FKBP6: variants seen among roughly 807,000 people sequenced by gnomAD.
FKBP6 encodes FKBP prolyl isomerase family member 6 (inactive), also known as inactive peptidyl-prolyl cis-trans isomerase FKBP6.
In FKBP6, 29 loss-of-function variants were observed where a neutral mutation model predicts 41.7. The observed-to-expected ratio is 0.70, with a 90% CI of 0.52 to 0.95. The LOEUF is 0.95. FKBP6 is among the 40% of genes least tolerant of loss of function. The pLI is 0.00. For missense variants in FKBP6, 338 were observed against 408.7 expected (o/e 0.83, Z 1.49); for synonymous variants, 130 against 165.1 (o/e 0.79, Z 1.63).
At chr7:73,354,118 G>A (rs1805564622) in intron 8 of FKBP6, among the ~76,000 whole-genome samples, 1 of 152,144 alleles carries the variant, frequency 6.6e-6, no homozygotes, top group Non-Finnish European at 1.5e-5. Context: ...GTGCAGCAGA[G>A]CCATGCTGTG....
intron 6 of FKBP6, among the ~76,000 whole-genome samples, 178 bp from the exon 7 acceptor site, chr7:73,341,095 T>G (rs1805167683): frequency 6.6e-6 from 1 of 152,086 alleles, no homozygotes; most frequent in Non-Finnish European, 1.5e-5. Context: ...AGCTAATTTT[T>G]GTAGTTTTAG....
chr7:73,355,427 G>A (rs949104712), intron 8 of FKBP6, among the ~76,000 whole-genome samples: 4 of 152,082 alleles, frequency 2.6e-5, no homozygotes, highest in South Asian at 4.1e-4. Context: ...TATTGGCTCC[G>A]ATTTGAAAAT....
intron 5 of FKBP6, among the ~76,000 whole-genome samples, chr7:73,335,252 A>G (rs1406086106): frequency 6.6e-6 from 1 of 152,152 alleles, no homozygotes; most frequent in Non-Finnish European, 1.5e-5. Flanking sequence ...TTTGACCACT[A>G]AGATTTAAAA....
intron 2 of FKBP6, 83 bp downstream of exon 2, chr7:73,328,775 T>A: frequency 1.9e-6 from 3 of 1,608,090 alleles, no homozygotes; most frequent in Non-Finnish European, 2.5e-6. Context: ...CAAAAAGCAC[T>A]TAATGGGGTT....
At chr7:73,339,658 G>A (rs1805113385) in intron 5 of FKBP6, among the ~76,000 whole-genome samples, 1 of 144,910 alleles carries the variant, frequency 6.9e-6, no homozygotes, top group Admixed American at 7.1e-5. Context: ...CTGTCACCTA[G>A]GCTGGAGTGC....
At chr7:73,329,229 C>T (rs1327124852) in intron 2 of FKBP6, 131 bp from the exon 3 acceptor site, 9 of 775,648 alleles carry the variant, frequency 1.2e-5, no homozygotes, top group Non-Finnish European at 2.1e-5. Flanking sequence ...AGATTTATTC[C>T]TGTACCTCGG....
At chr7:73,352,184 G>A (rs782538836) in intron 8 of FKBP6, among the ~76,000 whole-genome samples, 7 of 152,002 alleles carry the variant, frequency 4.6e-5, no homozygotes, top group Admixed American at 1.3e-4. Context: ...GGCTGATCTC[G>A]ATCTCCTGGC....
At chr7:73,357,087 C>G (rs1373760898) in intron 8 of FKBP6, among the ~76,000 whole-genome samples, 2 of 151,968 alleles carry the variant, frequency 1.3e-5, no homozygotes, top group Admixed American at 6.6e-5. Flanking sequence ...TGGCCCTCCT[C>G]TCATGTCTTA....
chr7:73,330,886 G>A (rs1003349023), intron 4 of FKBP6, among the ~76,000 whole-genome samples: 12 of 152,122 alleles, frequency 7.9e-5, no homozygotes, highest in Non-Finnish European at 1.8e-4. Context: ...ACCCTGTCCC[G>A]TAGATGCAGG....
chr7:73,339,929 A>G (rs909809301), intron 5 of FKBP6, among the ~76,000 whole-genome samples: 2 of 152,190 alleles, frequency 1.3e-5, no homozygotes, highest in Admixed American at 1.3e-4. Context: ...TGAATTATCT[A>G]ATCAACTTGT....
intron 3 of FKBP6, chr7:73,329,679 T>G (rs1804773114): frequency 1.7e-6 from 1 of 595,912 alleles, no homozygotes; most frequent in Non-Finnish European, 3.0e-6. Flanking sequence ...CCACTGGGAA[T>G]GTTTCTTTGT....
intron 8 of FKBP6, among the ~76,000 whole-genome samples, chr7:73,347,262 T>G (rs1420415521): frequency 2.0e-5 from 3 of 152,230 alleles, no homozygotes; most frequent in African/African-American, 7.2e-5. Flanking sequence ...ATGTTTCACA[T>G]GTGTTAATAT....
At position 73,331,226 on chromosome 7, in the gene FKBP6, A is replaced by T. The variant is rs148031788; in HGVS notation, c.469-431A>T. Among the ~76,000 whole-genome samples, 36 of 152,206 alleles carry T rather than the reference A, an allele frequency of 2.4e-4. No homozygotes were observed. In the East Asian group the frequency reaches 6.8e-3, roughly 29 times the overall value. On this transcript the variant is annotated intron_variant, in intron 4 of 8. Transcript: ENST00000252037. ...CTGCCAGGGCCCTGAGCAAACCAAGACCTGTTCAGTGCTTGGTGGCCAAAT... is the reference window on the plus strand; with the variant it reads ...CTGCCAGGGCCCTGAGCAAACCAAGTCCTGTTCAGTGCTTGGTGGCCAAAT...
chr7:73,355,605 AAACTTGTCATTATGG>A (rs1377774083), intron 8 of FKBP6, among the ~76,000 whole-genome samples: 1 of 151,846 alleles, frequency 6.6e-6, no homozygotes, highest in Non-Finnish European at 1.5e-5. Context: ...GATTATTATT[AAACTTGTCATTATGG>A]ACATTTTCAA....
chr7:73,358,298 G>A lies in FKBP6; in HGVS notation c.*120G>A, dbSNP rs1805693020. ...CCAGGAGCAGGGGCTGGAATGTCCT[G>A]TGGCCGCATCTCTCATGGACGCGGC... On this transcript the variant is annotated 3_prime_UTR_variant, in exon 9 of 9. Transcript: ENST00000252037. The A allele has an allele frequency of 6.6e-6, 1 of 152,174 alleles. No homozygotes were observed. Among genetic ancestry groups the A allele is most frequent in the Admixed American group, 6.5e-5 (1 of 15,278 alleles). 9.4% of individuals were successfully genotyped at this position (152,174 alleles called of 1,614,324 possible).
chr7:73,343,407 T>TTCCTTGCAGTTGCTTGGAA (rs1378068428), intron 8 of FKBP6, among the ~76,000 whole-genome samples: 3 of 151,954 alleles, frequency 2.0e-5, no homozygotes, highest in African/African-American at 7.3e-5. Flanking sequence ...CTGAGTAGAG[T>TTCCTTGCAGTTGCTTGGAA]CATGAATGTG....
Position 73,340,774 on chromosome 7 carries a change from G to A in FKBP6, c.725G>A (p.Gly242Glu). 1.2e-6 allele frequency: 2 copies of A among 1,614,102 alleles called. No homozygotes were observed. Among genetic ancestry groups the A allele is most frequent in the South Asian group, 1.1e-5 (1 of 91,076 alleles). Residue 242 changes from glycine (G) to glutamate (E), a missense_variant, in exon 6 of 9, where the codon GGA becomes GAA. Gly to Glu is a moderately conservative substitution (Grantham distance 98, BLOSUM62 -2). Coordinates refer to ENST00000252037, the MANE Select transcript of FKBP6 (RefSeq NM_003602.5). ...CGACCCACCATAGCCCTGTGCTATG[G>A]AGAGCAGGCTTTGATCATTGACCAA... is the stretch of plus-strand genomic sequence containing the variant. Reference protein sequence around the residue: ...LDRPTIALCYGEQALIIDQKN... With the variant: ...LDRPTIALCYEEQALIIDQKN...
At chr7:73,347,706 A>G (rs1209758590) in intron 8 of FKBP6, among the ~76,000 whole-genome samples, 1 of 152,192 alleles carries the variant, frequency 6.6e-6, no homozygotes, top group Non-Finnish European at 1.5e-5. Flanking sequence ...GTGCAGTGGC[A>G]TGATCATAGC....
intron 8 of FKBP6, among the ~76,000 whole-genome samples, chr7:73,349,303 G>A (rs1257538508): frequency 1.3e-5 from 2 of 151,812 alleles, no homozygotes; most frequent in African/African-American, 4.8e-5. Context: ...CAGCTACTTG[G>A]GAGGCTGAGG....
Sources: gnomAD v4.1 joint callset for allele counts (sites outside exome capture counted in the v4.1 genomes callset) on GRCh38, gnomAD v4.1.1 for gene constraint, MANE v1.5 for transcripts, NCBI Gene and HGNC (gene_info 2026-07-23, HGNC 2026-07-21) for gene names.